SLFN11: variants seen among roughly 807,000 people sequenced by gnomAD.
SLFN11 encodes the protein schlafen family member 11.
A neutral mutation model predicts 53.4 loss-of-function variants in SLFN11; 43 were observed. The ratio of observed to expected loss-of-function variants is 0.80; its 90% CI spans 0.63 to 1.04. The LOEUF (loss-of-function observed/expected upper bound fraction) is 1.04. Ranked by LOEUF, SLFN11 falls within the 50% of genes least tolerant of loss-of-function variation. The probability of loss-of-function intolerance (pLI) is 0.00; values close to 1 mark genes in which losing one functional copy is unlikely to be tolerated. For missense variants in SLFN11, 990 were observed against 1,079.1 expected, an observed-to-expected ratio of 0.92 and a Z score of 1.16; for synonymous variants, 389 against 394.7, an observed-to-expected ratio of 0.99 and a Z score of 0.17.
chr17:35,352,505 T>C lies in SLFN11; in HGVS notation c.2557A>G (p.Ser853Gly), dbSNP rs762527459. Residue 853 changes from serine (S) to glycine (G), a missense_variant, in exon 7 of 7, where the codon AGT becomes GGT. Ser to Gly is a moderately conservative substitution (Grantham distance 56). Around this residue, in one of 3 missense-constraint regions of SLFN11, gnomAD observed 313 missense variants for 320.9 expected, o/e 0.98. Transcript: ENST00000685675. ...DMLGDHIVLD[S>G]VRRFSGLERS... ...TCCAGGCCTGAGAATCGCCGAACAC[T>C]GTCCAACACAATGTGATCACCCAAC... 5 of 1,614,206 alleles carry C rather than the reference T, an allele frequency of 3.1e-6. No homozygotes were observed. Among genetic ancestry groups the C allele is most frequent in the Non-Finnish European group, 4.2e-6 (5 of 1,180,040 alleles).
At position 35,363,560 on chromosome 17, in the gene SLFN11, T is replaced by C. The variant is rs775345070; in HGVS notation, c.248A>G (p.Glu83Gly). Residue 83 changes from glutamate to glycine, a missense_variant, in exon 4 of 7, where the codon GAG becomes GGG. Coordinates refer to ENST00000685675, the MANE Select transcript of SLFN11 (RefSeq NM_001376007.1). ...MGLDLEQSLRELIQSSDLQAF... is the reference protein window; with the variant it reads ...MGLDLEQSLRGLIQSSDLQAF... The stretch of plus-strand genomic sequence containing the variant: ...CTGCAGATCTGAAGACTGAATAAGC[T>C]CTCTCAAAGACTGTTCTAAATCCAG... 1.2e-6 allele frequency: 2 copies of C among 1,613,962 alleles called. No individual in the cohort carries two copies. The highest frequency in any genetic ancestry group is 2.2e-5 in the South Asian group (2 of 91,076).
chr17:35,363,858 C>A, intron 3 of SLFN11, 32 bp from the exon 4 acceptor site: 1 of 1,459,144 alleles, frequency 6.9e-7, no homozygotes, highest in Non-Finnish European at 9.2e-7. Flanking sequence ...TACATGCATG[C>A]AATTCATTTA....
At chr17:35,360,434 T>A in intron 4 of SLFN11, 63 bp from the exon 5 acceptor site, 3 of 1,443,160 alleles carry the variant, frequency 2.1e-6, no homozygotes, top group Non-Finnish European at 2.8e-6. Flanking sequence ...AGAGGCTCTA[T>A]CAGTAGGTGG....
At position 35,350,435 on chromosome 17, in the gene SLFN11, A is replaced by G. The variant is rs1567811859; in HGVS notation, c.*1921T>C. On this transcript the variant is annotated 3_prime_UTR_variant, in exon 7 of 7. Coordinates refer to ENST00000685675, the MANE Select transcript of SLFN11 (RefSeq NM_001376007.1). Reference sequence around the variant, plus strand: ...TCCTCTTTGTTCTAAACAAAAATTCATAATTATTTATACATTTTAAAATAT... The same window carrying G: ...TCCTCTTTGTTCTAAACAAAAATTCGTAATTATTTATACATTTTAAAATAT... 6.6e-6 allele frequency: 1 copy of G among 152,178 alleles called. No individual in the cohort carries two copies. Among genetic ancestry groups the G allele is most frequent in the Non-Finnish European group, 1.5e-5 (1 of 68,026 alleles). 9.4% of individuals were successfully genotyped at this position (152,178 alleles called of 1,614,324 possible).
chr17:35,364,769 T>G (rs987769396), intron 3 of SLFN11, among the ~76,000 whole-genome samples: 1 of 152,146 alleles, frequency 6.6e-6, no homozygotes, highest in Non-Finnish European at 1.5e-5. Context: ...TCTCAATAAG[T>G]ATTTAACACT....
intron 4 of SLFN11, 106 bp from the exon 5 acceptor site, chr17:35,360,477 A>G (rs1041134061): frequency 2.2e-5 from 24 of 1,069,544 alleles, no homozygotes; most frequent in Middle Eastern, 2.7e-4. Context: ...TTGACTTGAG[A>G]GATAATATCA....
rs946590055 is a variant in SLFN11 at position 35,352,155 on chromosome 17, G to C, written c.*201C>G. On this transcript the variant is annotated 3_prime_UTR_variant, in exon 7 of 7. Coordinates refer to ENST00000685675, the MANE Select transcript of SLFN11 (RefSeq NM_001376007.1). ...CCATCTTTCTGGCTGGAAGAGTCAGGGGTCAGAATGGGGGGCAGCCACCGC... is the reference window on the plus strand; with the variant it reads ...CCATCTTTCTGGCTGGAAGAGTCAGCGGTCAGAATGGGGGGCAGCCACCGC... 1 of 622,818 alleles carries C rather than the reference G, an allele frequency of 1.6e-6. No individual in the cohort carries two copies. The allele number at this position is 622,818 out of a possible 1,614,324, so 38.6% of individuals were successfully genotyped here. A position where few individuals can be genotyped will look rare whatever the true frequency, so the allele number is the denominator to read the frequency against.
At chr17:35,360,628 TG>T (rs1908088562) in intron 4 of SLFN11, among the ~76,000 whole-genome samples, 1 of 152,124 alleles carries the variant, frequency 6.6e-6, no homozygotes, top group South Asian at 2.1e-4. Flanking sequence ...TCTCTGTATC[TG>T]GTTAGCATTT....
Position 35,350,455 on chromosome 17 carries a change from AAAT to A in SLFN11, c.*1898_*1900del, listed in dbSNP as rs1906543755. Reference sequence around the variant, plus strand: ...AATTCATAATTATTTATACATTTTAAAATATTATATTGTTTCAAATATTGTTAG... The same window carrying A: ...AATTCATAATTATTTATACATTTTAAATTATATTGTTTCAAATATTGTTAG... On this transcript the variant is annotated 3_prime_UTR_variant, in exon 7 of 7. Transcript: ENST00000685675. 1 of 152,184 alleles carries A rather than the reference AAAT, an allele frequency of 6.6e-6. No individual in the cohort carries two copies. Among genetic ancestry groups the A allele is most frequent in the African/African-American group, 2.4e-5 (1 of 41,438 alleles). The allele number at this position is 152,184 out of a possible 1,614,324, so 9.4% of individuals were successfully genotyped here.
chr17:35,357,848 ATAAT>A (rs1907720708), intron 5 of SLFN11, among the ~76,000 whole-genome samples: 3 of 145,412 alleles, frequency 2.1e-5, no homozygotes, highest in South Asian at 2.1e-4. Context: ...TTAAAAATAT[ATAAT>A]TATTTATATA....
chr17:35,369,652 C>A (rs1309137731), intron 1 of SLFN11, among the ~76,000 whole-genome samples: 1 of 151,964 alleles, frequency 6.6e-6, no homozygotes, highest in Admixed American at 6.6e-5. Context: ...AAGGAGAATA[C>A]CCAAATAAAT....
intron 5 of SLFN11, among the ~76,000 whole-genome samples, chr17:35,357,124 G>A (rs2141943276): frequency 6.9e-6 from 1 of 145,722 alleles, no homozygotes; most frequent in Middle Eastern, 3.5e-3. Flanking sequence ...GACTATCCGT[G>A]TTGATTTTTC....
At chr17:35,366,636 T>C (rs1908990971) in intron 3 of SLFN11, among the ~76,000 whole-genome samples, 1 of 152,084 alleles carries the variant, frequency 6.6e-6, no homozygotes, top group South Asian at 2.1e-4. Context: ...CCTACAAAAA[T>C]CCATCCTATA....
At chr17:35,354,413 TCTC>T (rs1448750523) in intron 5 of SLFN11, among the ~76,000 whole-genome samples, 1 of 152,138 alleles carries the variant, frequency 6.6e-6, no homozygotes, top group Admixed American at 6.5e-5. Context: ...AAATGTTGGT[TCTC>T]CTCCTCCCCT....
chr17:35,364,000 T>A (rs1279063954), intron 3 of SLFN11, among the ~76,000 whole-genome samples, 174 bp from the exon 4 acceptor site: 2 of 152,126 alleles, frequency 1.3e-5, no homozygotes, highest in African/African-American at 2.4e-5. Context: ...AATTAGCATT[T>A]AACATCATAT....
chr17:35,366,003 A>G (rs1420082215), intron 3 of SLFN11, among the ~76,000 whole-genome samples: 6 of 152,230 alleles, frequency 3.9e-5, no homozygotes, highest in African/African-American at 1.4e-4. Flanking sequence ...CCTGTACCAA[A>G]TACATCTCAG....
chr17:35,353,105 T>A lies in SLFN11; in HGVS notation c.1957A>T (p.Thr653Ser). ...TGTTCAAAGTTTTCTCTTAGGAAAGTTTTCCGGGTCTCTGCTCGGCAGATA... is the reference window on the plus strand; with the variant it reads ...TGTTCAAAGTTTTCTCTTAGGAAAGATTTCCGGGTCTCTGCTCGGCAGATA... ...RNICRAETRK[T>S]FLRENFEHIQ... The change falls in exon 7 of 7, where the codon ACT (threonine) becomes TCT (serine). Residue 653 changes from threonine (T) to serine (S), a missense_variant. Thr to Ser is a moderately conservative substitution (Grantham distance 58). Around this residue, in one of 3 missense-constraint regions of SLFN11, gnomAD observed 313 missense variants for 320.9 expected, o/e 0.98. Transcript: ENST00000685675. 1 of 1,614,080 alleles carries A rather than the reference T, an allele frequency of 6.2e-7. No homozygotes were observed. Among genetic ancestry groups the A allele is most frequent in the East Asian group, 2.2e-5 (1 of 44,882 alleles).
At chr17:35,354,298 G>T (rs2141931287) in intron 5 of SLFN11, among the ~76,000 whole-genome samples, 1 of 152,188 alleles carries the variant, frequency 6.6e-6, no homozygotes, top group East Asian at 1.9e-4. Context: ...CTTAGCCTAA[G>T]ACTTTGCTGT....
In SLFN11 at chr17:35,352,829, T is replaced by A; in HGVS notation, c.2233A>T (p.Met745Leu). The change falls in exon 7 of 7, where the codon ATG becomes TTG. Residue 745 changes from methionine to leucine, a missense_variant. Coordinates refer to ENST00000685675, the MANE Select transcript of SLFN11 (RefSeq NM_001376007.1). ...DPIAKYLQKE[M>L]QVIRSNPSFN... ...GAAGGATTACTTCTAATTACTTGCA[T>A]TTCTTTTTGTAAGTACTTGGCTATT... 6.2e-7 allele frequency: 1 copy of A among 1,614,240 alleles called. No individual in the cohort carries two copies. Among genetic ancestry groups the A allele is most frequent in the Non-Finnish European group, 8.5e-7 (1 of 1,180,040 alleles).
Sources: gnomAD v4.1 joint callset for allele counts (sites outside exome capture counted in the v4.1 genomes callset) on GRCh38, gnomAD v4.1.1 for gene constraint, gnomAD v4.1.1 regional missense constraint, MANE v1.5 for transcripts, NCBI Gene and HGNC (gene_info 2026-07-23, HGNC 2026-07-21) for gene names.